TXNDC15: variants seen among roughly 807,000 people sequenced by gnomAD.
TXNDC15 encodes the protein thioredoxin domain containing 15, also known as thioredoxin domain-containing protein 15.
TXNDC15 carries 24 observed loss-of-function variants against 35.0 expected under a neutral mutation model. That is an observed-to-expected ratio of 0.68 (90% CI 0.50 to 0.96). The LOEUF is 0.96. TXNDC15 is among the 40% of genes least tolerant of loss of function. The pLI is 0.00. For missense variants in TXNDC15, 385 were observed against 453.3 expected, an observed-to-expected ratio of 0.85 and a Z score of 1.37; for synonymous variants, 169 against 174.0, an observed-to-expected ratio of 0.97 and a Z score of 0.23.
At chr5:134,896,155 C>T (rs1750484821) in intron 3 of TXNDC15, 139 bp from the exon 4 acceptor site, 2 of 1,057,344 alleles carry the variant, frequency 1.9e-6, no homozygotes, top group East Asian at 2.7e-5. Flanking sequence ...ATGAAAAAGC[C>T]AAAAGTTTCA....
In TXNDC15 at chr5:134,887,576, T is replaced by A. The variant is rs1024939323; in HGVS notation, c.104-119T>A. On this transcript the variant is annotated intron_variant, in intron 1 of 4. Transcript: ENST00000358387. ...GGTGAGTAGCTCTCTGATAGTTTAA[T>A]GAAAGGAGACCTTTTTGTCTCCAGA... 31 of 1,280,966 alleles carry A rather than the reference T, an allele frequency of 2.4e-5. No homozygotes were observed. In the Middle Eastern group the frequency reaches 9.9e-4, roughly 41 times the overall value. The allele number at this position is 1,280,966 out of a possible 1,614,324, so 79.3% of individuals were successfully genotyped here.
intron 1 of TXNDC15, among the ~76,000 whole-genome samples, chr5:134,882,900 T>G (rs1461734184): frequency 2.0e-5 from 3 of 152,240 alleles, no homozygotes; most frequent in Non-Finnish European, 4.4e-5. Context: ...TATCTTCAAG[T>G]TGACTATTTT....
intron 1 of TXNDC15, among the ~76,000 whole-genome samples, chr5:134,878,902 G>C (rs182221866): frequency 4.9e-4 from 75 of 152,318 alleles, no homozygotes; most frequent in Admixed American, 1.9e-3. Context: ...GGGAGGCTAA[G>C]GCAGGAGAAT....
At chr5:134,887,594 T>G (rs1750300330) in intron 1 of TXNDC15, 101 bp from the exon 2 acceptor site, 2 of 1,455,280 alleles carry the variant, frequency 1.4e-6, no homozygotes, top group Admixed American at 4.7e-5. Context: ...GACCTTTTTG[T>G]CTCCAGAGGG....
chr5:134,900,547 C>T lies in TXNDC15; in HGVS notation c.*862C>T, dbSNP rs1750580582. The T allele has an allele frequency of 6.6e-6, 1 of 152,016 alleles. No homozygotes were observed. Among genetic ancestry groups the T allele is most frequent in the Non-Finnish European group, 1.5e-5 (1 of 68,044 alleles). The allele number at this position is 152,016 out of a possible 1,614,324, so 9.4% of individuals were successfully genotyped here. A position where few individuals can be genotyped will look rare whatever the true frequency, so the allele number is the denominator to read the frequency against. ...AAAATTAGCTGGGCGTGGTGGCGGGCACCTGTAATCCCAGCTACTTGGGAA... is the reference window on the plus strand; with the variant it reads ...AAAATTAGCTGGGCGTGGTGGCGGGTACCTGTAATCCCAGCTACTTGGGAA... On this transcript the variant is annotated 3_prime_UTR_variant, in exon 5 of 5. Transcript: ENST00000358387.
intron 1 of TXNDC15, among the ~76,000 whole-genome samples, chr5:134,881,203 T>A (rs3077048): frequency 8.7e-4 from 25 of 28,888 alleles, no homozygotes; most frequent in South Asian, 1.2e-3. Context: ...TTATTTATTT[T>A]TTTATTGATC....
chr5:134,896,443 C>G lies in TXNDC15; in HGVS notation c.886+19C>G. 1 of 1,612,012 alleles carries G rather than the reference C, an allele frequency of 6.2e-7. No individual in the cohort carries two copies. The highest frequency in any genetic ancestry group is 1.1e-5 in the South Asian group (1 of 90,694). Reference sequence around the variant, plus strand: ...CAGACAGGTATGTGGAAGTAATGTGCTGAGGAAGAAGATATTCTATTGCTG... The same window carrying G: ...CAGACAGGTATGTGGAAGTAATGTGGTGAGGAAGAAGATATTCTATTGCTG... On this transcript the variant is annotated intron_variant, in intron 4 of 4. Coordinates refer to ENST00000358387, the MANE Select transcript of TXNDC15 (RefSeq NM_024715.4).
chr5:134,899,009 G>A (rs930089592), intron 4 of TXNDC15, among the ~76,000 whole-genome samples: 4 of 152,076 alleles, frequency 2.6e-5, no homozygotes, highest in Non-Finnish European at 4.4e-5. Flanking sequence ...CCCAGGAGGC[G>A]GAGGTTGCAG....
chr5:134,875,676 T>C (rs1221120606), intron 1 of TXNDC15, among the ~76,000 whole-genome samples: 1 of 151,976 alleles, frequency 6.6e-6, no homozygotes, highest in African/African-American at 2.4e-5. Context: ...ATTTTTATTT[T>C]TATTTTTTTT....
intron 4 of TXNDC15, among the ~76,000 whole-genome samples, chr5:134,896,845 G>T (rs768766026): frequency 3.3e-5 from 5 of 151,870 alleles, no homozygotes; most frequent in Non-Finnish European, 7.4e-5. Flanking sequence ...GGGTTTCACC[G>T]TGTTAGCCAG....
intron 1 of TXNDC15, among the ~76,000 whole-genome samples, chr5:134,881,349 TGTGTCCCTGG>T: frequency 9.1e-6 from 1 of 109,720 alleles, no homozygotes; most frequent in East Asian, 2.4e-4. Context: ...CCGCAGTGTT[TGTGTCCCTGG>T]GTACTTGAGA....
rs1396509128 is a variant in TXNDC15 at position 134,887,948 on chromosome 5, G to A, written c.357G>A (p.Ala119=). ...PSGVTCGAGG[A]EDSRCNVRES... ...GCGTCACCTGTGGTGCTGGAGGAGCGGAGGACTCAAGGTGCAACGTCCGAG... is the reference window on the plus strand; with the variant it reads ...GCGTCACCTGTGGTGCTGGAGGAGCAGAGGACTCAAGGTGCAACGTCCGAG... Residue 119 remains alanine, a synonymous_variant, in exon 2 of 5, where the codon GCG becomes GCA. Coordinates refer to ENST00000358387, the MANE Select transcript of TXNDC15 (RefSeq NM_024715.4). The A allele has an allele frequency of 4.3e-6, 7 of 1,614,200 alleles. No homozygotes were observed. The highest frequency in any genetic ancestry group is 5.9e-6 in the Non-Finnish European group (7 of 1,180,044).
At position 134,899,787 on chromosome 5, in the gene TXNDC15, C is replaced by A; in HGVS notation, c.*102C>A. ...TCTCCAGTGACGTGTTGACTTGAAA[C>A]TTCAGGCAGATTAAAAGAATCATTT... On this transcript the variant is annotated 3_prime_UTR_variant, in exon 5 of 5. Coordinates refer to ENST00000358387, the MANE Select transcript of TXNDC15 (RefSeq NM_024715.4). The A allele has an allele frequency of 1.1e-6, 1 of 945,468 alleles. No individual in the cohort carries two copies. Among genetic ancestry groups the A allele is most frequent in the Non-Finnish European group, 1.5e-6 (1 of 648,002 alleles). The allele number at this position is 945,468 out of a possible 1,614,324, so 58.6% of individuals were successfully genotyped here. A position where few individuals can be genotyped will look rare whatever the true frequency, so the allele number is the denominator to read the frequency against.
At chr5:134,897,271 G>A (rs138557147) in intron 4 of TXNDC15, among the ~76,000 whole-genome samples, 65 of 149,392 alleles carry the variant, frequency 4.4e-4, no homozygotes, top group African/African-American at 1.4e-3. Flanking sequence ...TGACTGAGAC[G>A]GAGTCTCGCT....
intron 3 of TXNDC15, among the ~76,000 whole-genome samples, chr5:134,895,042 G>A (rs1750463315): frequency 6.6e-6 from 1 of 151,976 alleles, no homozygotes; most frequent in African/African-American, 2.4e-5. Context: ...ACTGAGGATG[G>A]TGGCACATAC....
chr5:134,895,611 C>A (rs535786475), intron 3 of TXNDC15, among the ~76,000 whole-genome samples: 1 of 152,248 alleles, frequency 6.6e-6, no homozygotes, highest in East Asian at 1.9e-4. Flanking sequence ...AGAAAAAAAT[C>A]CTGGTTATAC....
At chr5:134,899,322 A>T (rs1430566529) in intron 4 of TXNDC15, among the ~76,000 whole-genome samples, 167 bp from the exon 5 acceptor site, 1 of 152,166 alleles carries the variant, frequency 6.6e-6, no homozygotes, top group East Asian at 1.9e-4. Context: ...CAACTTACAA[A>T]TTACACTGAT....
chr5:134,881,995 C>G (rs555506144), intron 1 of TXNDC15, among the ~76,000 whole-genome samples: 7 of 151,038 alleles, frequency 4.6e-5, no homozygotes, highest in African/African-American at 1.7e-4. Context: ...TGGAGACGCT[C>G]CTCACTTCCC....
chr5:134,889,923 C>T (rs1050117254), intron 2 of TXNDC15, among the ~76,000 whole-genome samples: 18 of 152,186 alleles, frequency 1.2e-4, no homozygotes, highest in African/African-American at 3.9e-4. Context: ...AAAATGCTAA[C>T]GATCATCTGA....
Sources: allele counts gnomAD v4.1 joint callset (sites outside exome capture counted in the v4.1 genomes callset), GRCh38; gene constraint gnomAD v4.1.1; transcripts MANE v1.5; gene names NCBI Gene and HGNC (gene_info 2026-07-23, HGNC 2026-07-21).